Variants in RPH3AL observed in about 807,000 individuals in gnomAD.
RPH3AL encodes rab effector Noc2.
A neutral mutation model predicts 43.1 loss-of-function variants in RPH3AL; 38 were observed. The observed-to-expected ratio is 0.88, with a 90% CI of 0.68 to 1.15. RPH3AL has a LOEUF of 1.15. Among genes scored for constraint, RPH3AL ranks in the 50% most tolerant of loss-of-function variants. The pLI is 0.00. For missense variants in RPH3AL, 462 were observed against 423.2 expected (o/e 1.09, Z -0.81); for synonymous variants, 189 against 176.3 (o/e 1.07, Z -0.57).
At chr17:316,911 C>T (rs1555519630) in intron 5 of RPH3AL, among the ~76,000 whole-genome samples, 1 of 151,368 alleles carries the variant, frequency 6.6e-6, no homozygotes, top group East Asian at 2.0e-4. Flanking sequence ...GCTCCACCTC[C>T]ACTGACCTGT....
chr17:219,813 A>G (rs2040912685), intron 7 of RPH3AL, 77 bp from the exon 8 acceptor site: 1 of 1,055,728 alleles, frequency 9.5e-7, no homozygotes, highest in Admixed American at 1.7e-5. Flanking sequence ...GGACGAGGGC[A>G]GGCCTCCCCA....
chr17:297,078 C>T (rs1055996864), intron 5 of RPH3AL, among the ~76,000 whole-genome samples: 1 of 152,194 alleles, frequency 6.6e-6, no homozygotes, highest in African/African-American at 2.4e-5. Flanking sequence ...GAACACAACC[C>T]TCTCCAAGCC....
intron 5 of RPH3AL, among the ~76,000 whole-genome samples, chr17:318,200 T>C (rs1460676372): frequency 6.6e-6 from 1 of 152,084 alleles, no homozygotes; most frequent in Admixed American, 6.5e-5. Flanking sequence ...CTGGCCAACA[T>C]GGTGAAACCC....
chr17:214,061 G>T, intron 9 of RPH3AL, 138 bp from the exon 10 acceptor site: 1 of 659,886 alleles, frequency 1.5e-6, no homozygotes, highest in Non-Finnish European at 2.6e-6. Flanking sequence ...CCGTGCCTCA[G>T]CCCGAGCTCG....
intron 7 of RPH3AL, among the ~76,000 whole-genome samples, chr17:239,015 C>T (rs1166203700): frequency 2.6e-5 from 4 of 152,178 alleles, no homozygotes; most frequent in African/African-American, 9.6e-5. Flanking sequence ...AGAGACATCG[C>T]TCAGAGGCAG....
intron 7 of RPH3AL, among the ~76,000 whole-genome samples, chr17:241,858 G>C (rs553236994): frequency 2.6e-4 from 39 of 152,014 alleles, no homozygotes; most frequent in Admixed American, 1.3e-3. Flanking sequence ...GCTCATGCTG[G>C]TAATCCCCGC....
chr17:336,369 G>A lies in RPH3AL; in HGVS notation c.-212-2435C>T, dbSNP rs111506237. On this transcript the variant is annotated intron_variant, in intron 1 of 9. Coordinates refer to ENST00000331302, the MANE Select transcript of RPH3AL (RefSeq NM_006987.4). ...AACCACTCACTCGGAAGCGTTGCAG[G>A]CTGACTATGCACCAAGCGGGCTCGA... 2.6e-3 allele frequency among the ~76,000 whole-genome samples: 402 copies of A among 152,294 alleles called. 4 individuals are homozygous for A. The highest frequency in any genetic ancestry group is 9.3e-3 in the African/African-American group (385 of 41,550).
rs544151665 is a variant in RPH3AL at position 343,843 on chromosome 17, T to C, written c.-213+8869A>G. On this transcript the variant is annotated intron_variant, in intron 1 of 9. Transcript: ENST00000331302. ...AAGCACTGGAGTTGAGAAAACCTGATAGAGGTGGTGTAGGTAACACAACCA... is the reference window on the plus strand; with the variant it reads ...AAGCACTGGAGTTGAGAAAACCTGACAGAGGTGGTGTAGGTAACACAACCA... 1.5e-4 allele frequency among the ~76,000 whole-genome samples: 23 copies of C among 152,288 alleles called. No individual in the cohort carries two copies. In the South Asian group the frequency reaches 4.4e-3, roughly 29 times the overall value.
chr17:345,502 G>A (rs1324603705), intron 1 of RPH3AL, among the ~76,000 whole-genome samples: 1 of 134,930 alleles, frequency 7.4e-6, no homozygotes, highest in African/African-American at 2.5e-5. Flanking sequence ...CGCCTGTATA[G>A]CCAGGCTTGG....
In RPH3AL at chr17:232,827, GGCGTGTGTGTGTGTGTGTGT is replaced by G. The variant is rs1373185365; in HGVS notation, c.614-13111_614-13092del. ...TCCTTGTCTCTAAACAGTCCTTTCC[GGCGTGTGTGTGTGTGTGTGT>G]GTGTGTGTGTGTGTGTGTGTGTGTG... On this transcript the variant is annotated intron_variant, in intron 7 of 9. Coordinates refer to ENST00000331302, the MANE Select transcript of RPH3AL (RefSeq NM_006987.4). 6.1e-5 allele frequency among the ~76,000 whole-genome samples: 8 copies of G among 130,300 alleles called. No homozygotes were observed. In the South Asian group the frequency reaches 1.3e-3, roughly 21 times the overall value. The allele number at this position is 130,300 out of a possible 152,430, so 85.5% of individuals were successfully genotyped here. A position where few individuals can be genotyped will look rare whatever the true frequency, so the allele number is the denominator to read the frequency against.
At chr17:303,283 C>T (rs777305839) in intron 5 of RPH3AL, among the ~76,000 whole-genome samples, 21 of 151,972 alleles carry the variant, frequency 1.4e-4, no homozygotes, top group Non-Finnish European at 2.2e-4. Context: ...CCCAGCTGCC[C>T]GGGAGGCTGA....
At chr17:273,034 C>T (rs1056159136) in intron 6 of RPH3AL, among the ~76,000 whole-genome samples, 71 of 100,830 alleles carry the variant, frequency 7.0e-4, no homozygotes, top group Admixed American at 1.2e-3. Flanking sequence ...GAGACCCCAG[C>T]GAGGGCGACG....
chr17:319,467 G>T lies in RPH3AL; in HGVS notation c.304C>A (p.Leu102Met). The T allele has an allele frequency of 6.2e-7, 1 of 1,612,590 alleles. No homozygotes were observed. Among genetic ancestry groups the T allele is most frequent in the Non-Finnish European group, 8.5e-7 (1 of 1,179,914 alleles). Residue 102 changes from leucine to methionine, a missense_variant, in exon 5 of 10, where the codon CTG (leucine) becomes ATG (methionine). By Grantham distance (15) the Leu-to-Met change is conservative. Transcript: ENST00000331302. ...LSQCLLCGEVLGFLGSSSVFC... is the reference protein window; with the variant it reads ...LSQCLLCGEVMGFLGSSSVFC... The stretch of plus-strand genomic sequence containing the variant: ...ACCGACGAGCTGCCCAGGAAGCCCA[G>T]CACCTCCCCGCAGAGCAGACACTGG...
chr17:311,339 T>C (rs976131913), intron 5 of RPH3AL, among the ~76,000 whole-genome samples: 2 of 152,214 alleles, frequency 1.3e-5, no homozygotes, highest in Non-Finnish European at 2.9e-5. Context: ...TCCTCACAGT[T>C]GAGCACTTGC....
At chr17:268,638 G>A (rs569178561) in intron 6 of RPH3AL, among the ~76,000 whole-genome samples, 5 of 128,472 alleles carry the variant, frequency 3.9e-5, no homozygotes, top group African/African-American at 1.5e-4. Context: ...TCGGCTCACT[G>A]CAGCCTCCGC....
intron 5 of RPH3AL, among the ~76,000 whole-genome samples, chr17:303,456 T>C (rs988246968): frequency 3.3e-5 from 5 of 151,716 alleles, no homozygotes; most frequent in African/African-American, 1.2e-4. Context: ...ACCCAGCAGT[T>C]ATAAGAAAGA....
At chr17:217,483 C>G (rs1228260539) in intron 8 of RPH3AL, among the ~76,000 whole-genome samples, 11 of 59,676 alleles carry the variant, frequency 1.8e-4, no homozygotes, top group Admixed American at 3.2e-4. Context: ...TCATTCCCAT[C>G]TGGGGCAGTT....
chr17:301,906 T>C (rs548755728), intron 5 of RPH3AL, among the ~76,000 whole-genome samples: 1 of 152,276 alleles, frequency 6.6e-6, no homozygotes, highest in East Asian at 1.9e-4. Context: ...CTGCCTTGCC[T>C]TTTGCCTGCC....
At chr17:251,870 GCAGACCCCTAAGAAC>G (rs1325804605) in intron 6 of RPH3AL, among the ~76,000 whole-genome samples, 1 of 152,200 alleles carries the variant, frequency 6.6e-6, no homozygotes, top group East Asian at 1.9e-4. Flanking sequence ...CCCAAATGAA[GCAGACCCCTAAGAAC>G]CATCTGTGAA....
Sources: allele counts gnomAD v4.1 joint callset (sites outside exome capture counted in the v4.1 genomes callset), GRCh38; gene constraint gnomAD v4.1.1; transcripts MANE v1.5; gene names NCBI Gene and HGNC (gene_info 2026-07-23, HGNC 2026-07-21).